CA2: variants seen among roughly 807,000 people sequenced by gnomAD.
The protein encoded by CA2 is carbonate dehydratase II.
Under a neutral mutation model 27.8 loss-of-function variants are expected in CA2, and 23 were observed. That is an observed-to-expected ratio of 0.83 (90% CI 0.59 to 1.17). The LOEUF is 1.17. Among genes scored for constraint, CA2 ranks in the 50% most tolerant of loss-of-function variants. CA2 has a pLI of 0.00. For synonymous variants in CA2, 99 were observed against 114.9 expected (o/e 0.86, Z 0.88); for missense variants, 300 against 314.7 (o/e 0.95, Z 0.35).
At chr8:85,475,078 CAGG>C (rs1811772009) in intron 4 of CA2, among the ~76,000 whole-genome samples, 2 of 152,086 alleles carry the variant, frequency 1.3e-5, no homozygotes, top group African/African-American at 4.8e-5. Flanking sequence ...GACACCAAGG[CAGG>C]AGGATAGTTT....
intron 5 of CA2, 52 bp from the exon 6 acceptor site, chr8:85,477,068 C>G: frequency 6.3e-7 from 1 of 1,594,504 alleles, no homozygotes; most frequent in South Asian, 1.1e-5. Flanking sequence ...TCCTACCTTC[C>G]TCCTACTCTG....
chr8:85,465,906 G>T (rs1471391445), intron 2 of CA2, among the ~76,000 whole-genome samples: 1 of 152,096 alleles, frequency 6.6e-6, no homozygotes, highest in Non-Finnish European at 1.5e-5. Context: ...TAACAAAAAC[G>T]TGCCAATTTA....
intron 2 of CA2, among the ~76,000 whole-genome samples, chr8:85,467,866 G>A (rs889687067): frequency 2.0e-5 from 3 of 152,122 alleles, no homozygotes; most frequent in East Asian, 1.9e-4. Context: ...ACAGGGTTTC[G>A]GTAGGAGCTC....
At chr8:85,467,414 G>A (rs1811646073) in intron 2 of CA2, among the ~76,000 whole-genome samples, 1 of 152,184 alleles carries the variant, frequency 6.6e-6, no homozygotes. Context: ...GATGAAATGG[G>A]ACAGTATATG....
chr8:85,464,047 C>T lies in CA2; in HGVS notation c.-35C>T, dbSNP rs1811575370. On this transcript the variant is annotated 5_prime_UTR_variant, in exon 1 of 7. Coordinates refer to ENST00000285379, the MANE Select transcript of CA2 (RefSeq NM_000067.3). ...CCAAGCCGCCGCCGCCAGATCGGTGCCGATTCCTGCCCTGCCCCGACCGCC... is the reference window on the plus strand; with the variant it reads ...CCAAGCCGCCGCCGCCAGATCGGTGTCGATTCCTGCCCTGCCCCGACCGCC... 6.5e-7 allele frequency: 1 copy of T among 1,542,018 alleles called. No homozygotes were observed. Among genetic ancestry groups the T allele is most frequent in the African/African-American group, 1.4e-5 (1 of 72,756 alleles).
At chr8:85,478,288 T>C (rs1046608643) in intron 6 of CA2, among the ~76,000 whole-genome samples, 1 of 152,254 alleles carries the variant, frequency 6.6e-6, no homozygotes, top group African/African-American at 2.4e-5. Flanking sequence ...AAAGGAAATA[T>C]GTATCTGACT....
rs954263267 is a variant in CA2, at chr8:85,479,550, C to T, written c.664-1120C>T. Reference sequence around the variant, plus strand: ...AAACCACCCTTTTGCATTTGGATCACGTCTTGGTTAGAGGGGGGAAAGTAG... The same window carrying T: ...AAACCACCCTTTTGCATTTGGATCATGTCTTGGTTAGAGGGGGGAAAGTAG... On this transcript the variant is annotated intron_variant, in intron 6 of 6. Transcript: ENST00000285379. 2.6e-5 allele frequency among the ~76,000 whole-genome samples: 4 copies of T among 152,084 alleles called. 1 individual carries two copies. The highest frequency in any genetic ancestry group is 2.1e-4 in the South Asian group (1 of 4,812).
intron 6 of CA2, among the ~76,000 whole-genome samples, chr8:85,478,357 C>T (rs983346257): frequency 3.9e-5 from 6 of 152,176 alleles, no homozygotes; most frequent in African/African-American, 1.4e-4. Context: ...TGGTATGTCA[C>T]TTGAAGATTG....
intron 6 of CA2, 25 bp from the exon 7 acceptor site, chr8:85,480,645 A>G (rs370744055): frequency 6.2e-7 from 1 of 1,604,936 alleles, no homozygotes; most frequent in Non-Finnish European, 8.5e-7. Flanking sequence ...AACATTAATT[A>G]TCAATGTTTT....
At chr8:85,472,448 G>A (rs1193856188) in intron 2 of CA2, among the ~76,000 whole-genome samples, 4 of 152,038 alleles carry the variant, frequency 2.6e-5, no homozygotes, top group South Asian at 2.1e-4. Flanking sequence ...CTGTCAAGAC[G>A]CAACTTATTA....
In CA2 at chr8:85,480,713, C is replaced by G. The variant is rs118203932; in HGVS notation, c.707C>G (p.Pro236Arg). The G allele has an allele frequency of 2.5e-5, 41 of 1,613,694 alleles. No individual in the cohort carries two copies. The highest frequency in any genetic ancestry group is 3.3e-5 in the Non-Finnish European group (39 of 1,179,726). The change falls in exon 7 of 7, where the codon CCC (proline) becomes CGC (arginine). Residue 236 changes from proline (P) to arginine (R), a missense_variant. By Grantham distance (103) the Pro-to-Arg change is moderately radical (BLOSUM62 -2). Coordinates refer to ENST00000285379, the MANE Select transcript of CA2 (RefSeq NM_000067.3). ...RKLNFNGEGE[P>R]EELMVDNWRP... ...CTTAACTTCAATGGGGAGGGTGAAC[C>G]CGAAGAACTGATGGTGGACAACTGG...
chr8:85,470,316 A>C (rs187251570), intron 2 of CA2, among the ~76,000 whole-genome samples: 8 of 152,306 alleles, frequency 5.3e-5, no homozygotes, highest in African/African-American at 1.4e-4. Flanking sequence ...GTAATGCATG[A>C]TTTAAAATTT....
intron 6 of CA2, among the ~76,000 whole-genome samples, chr8:85,479,823 T>G (rs570376635): frequency 2.3e-4 from 35 of 152,310 alleles, no homozygotes; most frequent in African/African-American, 8.4e-4. Flanking sequence ...ATCCATAGCA[T>G]GAGATAAATT....
chr8:85,464,317 C>G, intron 1 of CA2: 1 of 480,354 alleles, frequency 2.1e-6, no homozygotes. Context: ...CCCCCTTGCC[C>G]CAGCTGCGAG....
At chr8:85,473,315 G>GTT (rs1436914517) in intron 2 of CA2, 2 of 426,976 alleles carry the variant, frequency 4.7e-6, no homozygotes, top group Non-Finnish European at 9.3e-6. Flanking sequence ...CTTCCTAAAT[G>GTT]TTTCACAGAT....
intron 4 of CA2, 75 bp from the exon 5 acceptor site, chr8:85,475,723 G>T: frequency 7.5e-7 from 1 of 1,328,910 alleles, no homozygotes; most frequent in Non-Finnish European, 1.1e-6. Context: ...TTCTAATAGA[G>T]CTACCCAAAT....
intron 3 of CA2, chr8:85,474,043 A>C: frequency 1.6e-6 from 1 of 606,640 alleles, no homozygotes; most frequent in Non-Finnish European, 2.9e-6. Flanking sequence ...AACGGACTCA[A>C]ACTGGAGGAT....
At chr8:85,479,330 G>T (rs748256030) in intron 6 of CA2, among the ~76,000 whole-genome samples, 19 of 152,196 alleles carry the variant, frequency 1.2e-4, no homozygotes, top group Non-Finnish European at 2.4e-4. Flanking sequence ...CTCTCTTTCA[G>T]ATTGCTGGAA....
chr8:85,473,427 AAC>A (rs1811738375), intron 2 of CA2: 4 of 571,420 alleles, frequency 7.0e-6, no homozygotes, highest in Non-Finnish European at 1.3e-5. Flanking sequence ...AGATGTGAAA[AAC>A]ATCCATTCTC....
Sources: allele counts gnomAD v4.1 joint callset (sites outside exome capture counted in the v4.1 genomes callset), GRCh38; gene constraint gnomAD v4.1.1; transcripts MANE v1.5; gene names NCBI Gene and HGNC (gene_info 2026-07-23, HGNC 2026-07-21).